The following NREP variants were observed in gnomAD, a reference collection of about 807,000 sequenced individuals.
NREP encodes neuronal regeneration related protein.
NREP carries 5 observed loss-of-function variants against 8.6 expected under a neutral mutation model. That is an observed-to-expected ratio of 0.58 (90% CI 0.30 to 1.22). NREP has a LOEUF of 1.22. Ranked by LOEUF, NREP falls within the 50% of genes most tolerant of loss-of-function variation. The pLI is 0.07. For synonymous variants in NREP, 27 were observed against 28.0 expected (o/e 0.96, Z 0.11); for missense variants, 86 against 82.5 (o/e 1.04, Z -0.17).
chr5:111,960,779 C>T (rs892151592), intron 2 of NREP, among the ~76,000 whole-genome samples: 12 of 151,976 alleles, frequency 7.9e-5, no homozygotes, highest in East Asian at 1.9e-4. Context: ...TAGAAATAGA[C>T]GTCTATATAT....
chr5:111,934,979 G>T (rs967366830), intron 2 of NREP, among the ~76,000 whole-genome samples: 2 of 152,058 alleles, frequency 1.3e-5, no homozygotes, highest in African/African-American at 2.4e-5. Context: ...AAACATAGTA[G>T]GGTGGGTGGG....
intron 2 of NREP, among the ~76,000 whole-genome samples, chr5:111,824,329 A>T (rs1467676846): frequency 6.6e-6 from 1 of 152,238 alleles, no homozygotes. Flanking sequence ...AAATCACGCC[A>T]CTGCACTCCA....
At chr5:111,797,288 T>A (rs188889603) in intron 2 of NREP, among the ~76,000 whole-genome samples, 1 of 152,200 alleles carries the variant, frequency 6.6e-6, no homozygotes, top group Admixed American at 6.5e-5. Flanking sequence ...CTTGTCCTTA[T>A]AGTGTGGCAT....
chr5:111,942,293 T>A (rs987769784), intron 2 of NREP, among the ~76,000 whole-genome samples: 4 of 152,198 alleles, frequency 2.6e-5, no homozygotes, highest in African/African-American at 7.2e-5. Context: ...ATGATTCATA[T>A]TCTGAATTTT....
At chr5:111,798,626 G>A (rs1751927162) in intron 2 of NREP, among the ~76,000 whole-genome samples, 1 of 152,042 alleles carries the variant, frequency 6.6e-6, no homozygotes, top group African/African-American at 2.4e-5. Context: ...TACAATGTTT[G>A]ATTTTCCATT....
chr5:111,868,367 G>C (rs1219003035), intron 2 of NREP, among the ~76,000 whole-genome samples: 1 of 152,116 alleles, frequency 6.6e-6, no homozygotes, highest in African/African-American at 2.4e-5. Flanking sequence ...GCAGAGCAAA[G>C]AAAATGAATA....
intron 3 of NREP, 72 bp from the exon 4 acceptor site, chr5:111,731,118 T>G: frequency 6.4e-7 from 1 of 1,555,016 alleles, no homozygotes; most frequent in Non-Finnish European, 8.7e-7. Flanking sequence ...TCTGAAACCA[T>G]TTTTTAAAAT....
intron 2 of NREP, among the ~76,000 whole-genome samples, chr5:111,848,459 G>A (rs1277778937): frequency 1.3e-5 from 2 of 152,072 alleles, no homozygotes; most frequent in African/African-American, 2.4e-5. Flanking sequence ...GTAGCACCTT[G>A]GATACACACC....
chr5:111,919,864 A>G (rs974156681), intron 2 of NREP, among the ~76,000 whole-genome samples: 1 of 132,468 alleles, frequency 7.5e-6, no homozygotes, highest in African/African-American at 3.0e-5. Context: ...CAGAACTTGA[A>G]GAGAGAGAAA....
chr5:111,797,138 T>C (rs1416462608), intron 2 of NREP, among the ~76,000 whole-genome samples: 1 of 152,100 alleles, frequency 6.6e-6, no homozygotes, highest in Non-Finnish European at 1.5e-5. Flanking sequence ...TGGTAGCAAA[T>C]ACACATAGAC....
At chr5:111,867,437 C>A (rs1753693759) in intron 2 of NREP, among the ~76,000 whole-genome samples, 1 of 152,066 alleles carries the variant, frequency 6.6e-6, no homozygotes, top group Admixed American at 6.6e-5. Context: ...TCTCCCCCTC[C>A]CTCCCTATAA....
chr5:111,883,566 C>A (rs535048973), intron 2 of NREP, among the ~76,000 whole-genome samples: 1 of 152,104 alleles, frequency 6.6e-6, no homozygotes, highest in East Asian at 1.9e-4. Context: ...TGACCACATA[C>A]TTGGAAGTAA....
At chr5:111,920,367 T>C (rs989835758) in intron 2 of NREP, among the ~76,000 whole-genome samples, 1 of 152,172 alleles carries the variant, frequency 6.6e-6, no homozygotes, top group Non-Finnish European at 1.5e-5. Flanking sequence ...TATGTATACG[T>C]GTGTCATGGT....
intron 2 of NREP, among the ~76,000 whole-genome samples, chr5:111,751,923 G>A (rs1160615327): frequency 2.6e-5 from 4 of 152,100 alleles, no homozygotes; most frequent in South Asian, 2.1e-4. Flanking sequence ...GTAGGACCAC[G>A]AAGTTACGCC....
intron 2 of NREP, among the ~76,000 whole-genome samples, chr5:111,865,424 C>A (rs1322413519): frequency 1.3e-5 from 2 of 152,114 alleles, no homozygotes; most frequent in Non-Finnish European, 2.9e-5. Flanking sequence ...TCTTCAACTG[C>A]TAAAGCCACC....
intron 2 of NREP, among the ~76,000 whole-genome samples, chr5:111,919,980 C>T (rs1433434679): frequency 6.9e-6 from 1 of 145,166 alleles, no homozygotes; most frequent in Non-Finnish European, 1.5e-5. Context: ...AATACCCCCC[C>T]CCCCCACACA....
intron 2 of NREP, among the ~76,000 whole-genome samples, chr5:111,781,533 T>A: frequency 6.6e-6 from 1 of 152,192 alleles, no homozygotes. Flanking sequence ...ATCTCTACTG[T>A]ATCCTGACTG....
chr5:111,823,664 G>A (rs4957985), intron 2 of NREP, among the ~76,000 whole-genome samples: 25,454 of 152,052 alleles, frequency 0.17, 2,655 homozygotes, highest in Non-Finnish European at 0.23. Flanking sequence ...TGAGCTGAGC[G>A]CTATAAGATT....
intron 2 of NREP, among the ~76,000 whole-genome samples, chr5:111,855,786 G>C (rs1333217979): frequency 6.6e-6 from 1 of 152,090 alleles, no homozygotes; most frequent in Non-Finnish European, 1.5e-5. Context: ...TGCAGGACCA[G>C]GACAAATCAC....
Sources: allele counts gnomAD v4.1 joint callset (sites outside exome capture counted in the v4.1 genomes callset), GRCh38; gene constraint gnomAD v4.1.1; transcripts MANE v1.5; gene names NCBI Gene and HGNC (gene_info 2026-07-23, HGNC 2026-07-21).